PHKA1: variants seen among roughly 807,000 people sequenced by gnomAD.
PHKA1 encodes phosphorylase b kinase regulatory subunit alpha, skeletal muscle isoform.
In PHKA1, 60 loss-of-function variants were observed where a neutral mutation model predicts 110.2. That is an observed-to-expected ratio of 0.54 (90% CI 0.44 to 0.68). The LOEUF is 0.68. Among genes scored for constraint, PHKA1 ranks in the 30% least tolerant of loss-of-function variants. The pLI is 0.00. For synonymous variants in PHKA1, 316 were observed against 333.6 expected (o/e 0.95, Z 0.58); for missense variants, 801 against 942.5 (o/e 0.85, Z 1.97).
chrX:72,606,752 C>T (rs1247664509), intron 23 of PHKA1, among the ~76,000 whole-genome samples: 1 of 110,752 alleles, frequency 9.0e-6, no homozygotes, highest in Non-Finnish European at 1.9e-5. Context: ...TTAAAACGCA[C>T]AATTAAATTA....
chrX:72,660,289 C>A (rs2053544173), intron 8 of PHKA1, among the ~76,000 whole-genome samples: 2 of 111,969 alleles, frequency 1.8e-5, no homozygotes, highest in African/African-American at 6.5e-5. Flanking sequence ...TTCTCTAGTG[C>A]TGTATCTTTA....
chrX:72,619,768 A>G, intron 19 of PHKA1, among the ~76,000 whole-genome samples: 1 of 111,980 alleles, frequency 8.9e-6, no homozygotes, highest in Middle Eastern at 4.6e-3. Flanking sequence ...ACTTTGAGAT[A>G]TTCCTAAGAT....
At chrX:72,652,430 G>T in intron 12 of PHKA1, 114 bp downstream of exon 12, 1 of 540,787 alleles carries the variant, frequency 1.8e-6, no homozygotes, top group Non-Finnish European at 3.3e-6. Context: ...TATAATTAAG[G>T]CAAAGTGCAA....
chrX:72,698,122 T>C (rs1470354832), intron 3 of PHKA1, among the ~76,000 whole-genome samples: 2 of 110,988 alleles, frequency 1.8e-5, no homozygotes, highest in Admixed American at 1.9e-4. Context: ...AATGTGCAAA[T>C]TTAAAGCTGT....
intron 29 of PHKA1, among the ~76,000 whole-genome samples, chrX:72,589,710 A>G (rs61650567): frequency 0.089 from 9,333 of 105,028 alleles, 1,111 homozygotes; most frequent in African/African-American, 0.29. Context: ...TCCTTAAGCT[A>G]ATAAGCAACT....
intron 21 of PHKA1, among the ~76,000 whole-genome samples, chrX:72,613,725 G>A (rs1232165693): frequency 4.5e-5 from 5 of 111,512 alleles, no homozygotes; most frequent in Non-Finnish European, 9.4e-5. Context: ...GTACATGGAA[G>A]AATCTACCTT....
intron 2 of PHKA1, 88 bp downstream of exon 2, chrX:72,712,691 G>A: frequency 1.2e-6 from 1 of 847,397 alleles, no homozygotes; most frequent in Non-Finnish European, 1.7e-6. Context: ...TTAGCTTTTG[G>A]TGGGTTTCAC....
In PHKA1 at chrX:72,650,431, C is replaced by T. The variant is rs1556298604; in HGVS notation, c.1283G>A (p.Arg428His). ...GGGCTTCGGTACAGTAGAAAACCTG[C>T]GATTCAGGGGATCAATTTCTCCAGG... is the stretch of plus-strand genomic sequence containing the variant. ...LAPGEIDPLN[R>H]RFSTVPKPDV... Residue 428 changes from arginine to histidine, a missense_variant, in exon 13 of 32, where the codon CGC (arginine) becomes CAC (histidine). Transcript: ENST00000373542. 6 of 1,209,174 alleles carry T rather than the reference C, an allele frequency of 5.0e-6. No individual in the cohort carries two copies. Among genetic ancestry groups the T allele is most frequent in the African/African-American group, 1.7e-5 (1 of 57,637 alleles).
intron 12 of PHKA1, among the ~76,000 whole-genome samples, chrX:72,652,022 A>G (rs1423873927): frequency 9.0e-6 from 1 of 111,541 alleles, no homozygotes; most frequent in Non-Finnish European, 1.9e-5. Context: ...GGCAATCTCA[A>G]CAGAATCTGA....
chrX:72,673,087 T>A (rs2147789382), intron 6 of PHKA1, among the ~76,000 whole-genome samples: 1 of 111,805 alleles, frequency 8.9e-6, no homozygotes, highest in South Asian at 3.7e-4. Flanking sequence ...CAAAAGGATT[T>A]TTTTTTTTTG....
rs375128462 is a variant in PHKA1 at position 72,584,289 on chromosome X, G to T, written c.3257C>A (p.Ser1086Tyr). Residue 1086 changes from serine to tyrosine, a missense_variant, in exon 30 of 32, where the codon TCT (serine) becomes TAT (tyrosine). By Grantham distance (144) the Ser-to-Tyr change is moderately radical (BLOSUM62 -2). Around this residue, in one of 2 missense-constraint regions of PHKA1, gnomAD observed 502 missense variants for 519.2 expected, o/e 0.97. Coordinates refer to ENST00000373542, the MANE Select transcript of PHKA1 (RefSeq NM_002637.4). ...GGAAGGAAGGACAAACCCTTCAACA[G>T]AAAGTCCGTGACACTGCAAAACAGA... ...WKVLQKCHGL[S>Y]VEGFVLPSST... 33 of 1,205,840 alleles carry T rather than the reference G, an allele frequency of 2.7e-5. No homozygotes were observed. The highest frequency in any genetic ancestry group is 3.4e-5 in the Non-Finnish European group (30 of 891,814).
rs191029306 is a variant in PHKA1 at position 72,615,942 on chromosome X, T to C, written c.2369+2768A>G. 4.6e-3 allele frequency among the ~76,000 whole-genome samples: 517 copies of C among 112,245 alleles called. 1 individual carries two copies. Among genetic ancestry groups the C allele is most frequent in the African/African-American group, 0.016 (501 of 30,914 alleles). On this transcript the variant is annotated intron_variant, in intron 21 of 31. Transcript: ENST00000373542. ...TGAATAAAAAAAGCCAAGAGCCAAC[T>C]ATATGCTGCTTAAAAGAGATTCACT...
At chrX:72,637,342 T>A (rs782527979) in intron 14 of PHKA1, among the ~76,000 whole-genome samples, 1 of 112,255 alleles carries the variant, frequency 8.9e-6, no homozygotes, top group Non-Finnish European at 1.9e-5. Flanking sequence ...TTTAGCATAG[T>A]CTTCAAAGTT....
chrX:72,675,940 G>A lies in PHKA1; in HGVS notation c.618+130C>T, dbSNP rs964993864. 37 of 525,064 alleles carry A rather than the reference G, an allele frequency of 7.0e-5. No homozygotes were observed. The East Asian group carries it at 1.4e-3, about 19-fold the overall frequency. 43.3% of individuals were successfully genotyped at this position (525,064 alleles called of 1,213,427 possible). A position where few individuals can be genotyped will look rare whatever the true frequency, so the allele number is the denominator to read the frequency against. ...TATCCATGGTTCTACAGGAGAATCT[G>A]AATGTTGCCTGTGGTTTAAAATAAT... On this transcript the variant is annotated intron_variant, in intron 6 of 31. Transcript: ENST00000373542.
At chrX:72,605,484 A>G in intron 24 of PHKA1, 57 bp downstream of exon 24, 1 of 1,174,791 alleles carries the variant, frequency 8.5e-7, no homozygotes. Context: ...TGCTAGATCA[A>G]TTGAAAACAA....
chrX:72,675,236 AAAAT>A (rs1159829329), intron 6 of PHKA1, among the ~76,000 whole-genome samples: 1 of 108,668 alleles, frequency 9.2e-6, no homozygotes, highest in African/African-American at 3.3e-5. Context: ...AAATAAAATA[AAAAT>A]AAATAAAATA....
chrX:72,626,393 AAAAAC>A (rs1380686526), intron 17 of PHKA1, among the ~76,000 whole-genome samples: 3 of 111,321 alleles, frequency 2.7e-5, no homozygotes, highest in Non-Finnish European at 5.7e-5. Context: ...TAGGCATTAA[AAAAAC>A]AAAACAAAAC....
intron 26 of PHKA1, among the ~76,000 whole-genome samples, chrX:72,602,739 T>G (rs1482834758): frequency 8.9e-6 from 1 of 112,041 alleles, no homozygotes; most frequent in East Asian, 2.8e-4. Context: ...AGGGTTACAT[T>G]AGAAGTACTG....
At chrX:72,662,144 G>A (rs1332692059) in intron 8 of PHKA1, among the ~76,000 whole-genome samples, 5 of 112,284 alleles carry the variant, frequency 4.5e-5, no homozygotes, top group Non-Finnish European at 7.5e-5. Context: ...AGTTTGGGGA[G>A]CTGCCTAGAA....
Sources: gnomAD v4.1 joint callset for allele counts (sites outside exome capture counted in the v4.1 genomes callset) on GRCh38, gnomAD v4.1.1 for gene constraint, gnomAD v4.1.1 regional missense constraint, MANE v1.5 for transcripts, NCBI Gene and HGNC (gene_info 2026-07-23, HGNC 2026-07-21) for gene names.